CCDC167: variants seen among roughly 807,000 people sequenced by gnomAD.
CCDC167 encodes the protein coiled-coil domain containing 167.
A neutral mutation model predicts 12.7 loss-of-function variants in CCDC167; 15 were observed. That is an observed-to-expected ratio of 1.18 (90% confidence interval 0.79 to 1.81). The LOEUF (loss-of-function observed/expected upper bound fraction) is 1.81, where lower values mean the gene tolerates loss of function less well. CCDC167 is among the 40% of genes most tolerant of loss of function. The probability of loss-of-function intolerance (pLI) is 0.00; values close to 1 mark genes in which losing one functional copy is unlikely to be tolerated. For missense variants in CCDC167, 121 were observed against 120.1 expected (o/e 1.01, Z -0.03); for synonymous variants, 52 against 49.0 (o/e 1.06, Z -0.26).
chr6:37,488,257 T>C (rs1464581872), intron 1 of CCDC167, among the ~76,000 whole-genome samples: 1 of 152,160 alleles, frequency 6.6e-6, no homozygotes, highest in Non-Finnish European at 1.5e-5. Context: ...TAGTTGTGGC[T>C]GGGGTCAGGA....
chr6:37,485,298 C>T, intron 1 of CCDC167, 104 bp from the exon 2 acceptor site: 1 of 865,028 alleles, frequency 1.2e-6, no homozygotes, highest in Admixed American at 2.1e-5. Flanking sequence ...CAGGTGTTCC[C>T]CCCATTCGTT....
chr6:37,485,570 C>G (rs1761931767), intron 1 of CCDC167, among the ~76,000 whole-genome samples: 1 of 152,240 alleles, frequency 6.6e-6, no homozygotes, highest in Non-Finnish European at 1.5e-5. Flanking sequence ...GCAACCAGAA[C>G]CCTGAACACG....
Position 37,483,050 on chromosome 6 carries a change from C to T in CCDC167, c.*136G>A. The T allele has an allele frequency of 2.6e-6, 2 of 770,544 alleles. No homozygotes were observed. The highest frequency in any genetic ancestry group is 2.9e-5 in the South Asian group (2 of 68,944). 47.7% of individuals were successfully genotyped at this position (770,544 alleles called of 1,614,324 possible). On this transcript the variant is annotated 3_prime_UTR_variant, in exon 4 of 4. Coordinates refer to ENST00000373408, the MANE Select transcript of CCDC167 (RefSeq NM_138493.3). ...GCCAGGGAGGCAAGGCCTGGGCCGC[C>T]AGGAAGCCATGCTTGAACACTAGGT...
chr6:37,494,495 T>C lies in CCDC167; in HGVS notation c.42+5327A>G, dbSNP rs1405867389. On this transcript the variant is annotated intron_variant, in intron 1 of 3. Transcript: ENST00000373408. ...CCCCACCCCTGCTCCTTTGCCCACC[T>C]CTACTCCAGAAGGTGGAAAAGCTCA... 3.3e-5 allele frequency among the ~76,000 whole-genome samples: 5 copies of C among 152,178 alleles called. No homozygotes were observed. The East Asian group carries it at 7.7e-4, about 23-fold the overall frequency.
chr6:37,485,249 CTG>C, intron 1 of CCDC167, 55 bp from the exon 2 acceptor site: 1 of 1,382,904 alleles, frequency 7.2e-7, no homozygotes, highest in East Asian at 2.3e-5. Flanking sequence ...TCTCAAAACA[CTG>C]GGACTGGGAA....
At position 37,485,903 on chromosome 6, in the gene CCDC167, T is replaced by C. The variant is rs149470444; in HGVS notation, c.43-709A>G. 1.8e-3 allele frequency among the ~76,000 whole-genome samples: 281 copies of C among 152,334 alleles called. 1 individual carries two copies. The highest frequency in any genetic ancestry group is 6.5e-3 in the African/African-American group (269 of 41,574). ...TATCTGTTTTTTCCATTTGTTTGAT[T>C]AGAGTTTCAGAGAAGTGTTCTTGGG... On this transcript the variant is annotated intron_variant, in intron 1 of 3. Transcript: ENST00000373408.
intron 1 of CCDC167, among the ~76,000 whole-genome samples, chr6:37,486,739 C>T (rs1165408476): frequency 2.0e-5 from 3 of 152,210 alleles, no homozygotes; most frequent in African/African-American, 7.2e-5. Flanking sequence ...GGAGATGGGG[C>T]TGTCCCTGGG....
At chr6:37,488,096 G>T (rs999549248) in intron 1 of CCDC167, among the ~76,000 whole-genome samples, 2 of 152,214 alleles carry the variant, frequency 1.3e-5, no homozygotes, top group Non-Finnish European at 2.9e-5. Context: ...GACCCTGCGG[G>T]GTCCCCAGCA....
chr6:37,499,454 T>C (rs559706522), intron 1 of CCDC167, among the ~76,000 whole-genome samples: 3 of 152,332 alleles, frequency 2.0e-5, no homozygotes, highest in South Asian at 4.1e-4. Context: ...CCTTAGATTC[T>C]ACAGGTCCCT....
chr6:37,492,246 C>T (rs1762031476), intron 1 of CCDC167, among the ~76,000 whole-genome samples: 1 of 152,234 alleles, frequency 6.6e-6, no homozygotes, highest in African/African-American at 2.4e-5. Flanking sequence ...CTCATGAAAA[C>T]ATTCATGACA....
chr6:37,484,832 T>C lies in CCDC167; in HGVS notation c.168A>G (p.Leu56=), dbSNP rs77648212. 4.3e-6 allele frequency: 7 copies of C among 1,614,242 alleles called. No homozygotes were observed. Among genetic ancestry groups the C allele is most frequent in the Non-Finnish European group, 5.9e-6 (7 of 1,180,034 alleles). ...RRSLEKEKNS[L]MNKASNYEKE... is the part of the protein sequence containing the mutation. ...TACCGTAGTTGGAGGCTTTGTTCAT[T>C]AGGCTGTTTTTCTCCTTCTCCAGGG... The change falls in exon 3 of 4, where the codon CTA becomes CTG. Residue 56 remains leucine, a synonymous_variant. Coordinates refer to ENST00000373408, the MANE Select transcript of CCDC167 (RefSeq NM_138493.3).
chr6:37,483,534 T>C (rs751675407), intron 3 of CCDC167, among the ~76,000 whole-genome samples: 2 of 152,150 alleles, frequency 1.3e-5, no homozygotes, highest in African/African-American at 4.8e-5. Flanking sequence ...TTAAATGTGG[T>C]TGAGGTTGAG....
At chr6:37,484,198 T>C (rs1227612601) in intron 3 of CCDC167, among the ~76,000 whole-genome samples, 1 of 152,192 alleles carries the variant, frequency 6.6e-6, no homozygotes, top group African/African-American at 2.4e-5. Context: ...TTCCTGGGGC[T>C]GATTCATGGC....
chr6:37,493,117 G>A (rs1372159964), intron 1 of CCDC167, among the ~76,000 whole-genome samples: 5 of 152,170 alleles, frequency 3.3e-5, no homozygotes, highest in Non-Finnish European at 7.3e-5. Context: ...GGAGAGCCTA[G>A]GGGCTTGTCG....
At chr6:37,488,666 C>T (rs775805091) in intron 1 of CCDC167, among the ~76,000 whole-genome samples, 3 of 152,222 alleles carry the variant, frequency 2.0e-5, no homozygotes, top group Non-Finnish European at 4.4e-5. Flanking sequence ...TAATCAGTGC[C>T]CCTGGCTCTG....
chr6:37,493,570 C>A (rs1762057971), intron 1 of CCDC167, among the ~76,000 whole-genome samples: 1 of 152,264 alleles, frequency 6.6e-6, no homozygotes, highest in Non-Finnish European at 1.5e-5. Flanking sequence ...CAATGGCGAC[C>A]TGTCGCTCTC....
At chr6:37,489,784 G>A (rs556329559) in intron 1 of CCDC167, among the ~76,000 whole-genome samples, 1 of 152,238 alleles carries the variant, frequency 6.6e-6, no homozygotes, top group South Asian at 2.1e-4. Flanking sequence ...CTGCCCGACA[G>A]GCTGCATAGT....
At chr6:37,484,315 C>T (rs1024525074) in intron 3 of CCDC167, among the ~76,000 whole-genome samples, 1 of 152,210 alleles carries the variant, frequency 6.6e-6, no homozygotes, top group Non-Finnish European at 1.5e-5. Flanking sequence ...TGCCAGCCGC[C>T]CTCTGGCGCC....
At chr6:37,492,583 G>T (rs979898802) in intron 1 of CCDC167, among the ~76,000 whole-genome samples, 16 of 152,214 alleles carry the variant, frequency 1.1e-4, no homozygotes, top group African/African-American at 3.9e-4. Flanking sequence ...ACGGAAAAAG[G>T]TGGGCTACTT....
Sources: gnomAD v4.1 joint callset for allele counts (sites outside exome capture counted in the v4.1 genomes callset) on GRCh38, gnomAD v4.1.1 for gene constraint, MANE v1.5 for transcripts, NCBI Gene and HGNC (gene_info 2026-07-23, HGNC 2026-07-21) for gene names.